The following AGO3 variants were observed in gnomAD, a reference collection of about 807,000 sequenced individuals.
AGO3 encodes the protein argonaute RISC catalytic component 3.
In AGO3, 16 loss-of-function variants were observed where a neutral mutation model predicts 105.5. The ratio of observed to expected loss-of-function variants is 0.15; its 90% CI spans 0.10 to 0.23. The LOEUF is 0.23. Among genes scored for constraint, AGO3 ranks in the 10% least tolerant of loss-of-function variants. The pLI, the probability that AGO3 is intolerant of heterozygous loss-of-function variation, is 1.00. For missense variants in AGO3, 534 were observed against 1,088.0 expected, an observed-to-expected ratio of 0.49 and a Z score of 7.16; for synonymous variants, 340 against 367.3, an observed-to-expected ratio of 0.93 and a Z score of 0.85.
At chr1:36,052,625 G>A (rs192238749) in intron 17 of AGO3, among the ~76,000 whole-genome samples, 2 of 152,124 alleles carry the variant, frequency 1.3e-5, no homozygotes, top group East Asian at 3.9e-4. Context: ...TTATATATGT[G>A]TATCAAAATA....
intron 6 of AGO3, chr1:36,005,961 A>G: frequency 1.1e-6 from 1 of 931,562 alleles, no homozygotes; most frequent in Non-Finnish European, 1.3e-6. Context: ...TATCTAGTCC[A>G]CTTTTTAAAA....
Position 35,931,194 on chromosome 1 carries a change from G to C in AGO3, c.-233G>C, listed in dbSNP as rs936517181. 1.2e-5 allele frequency: 5 copies of C among 402,134 alleles called. No homozygotes were observed. The highest frequency in any genetic ancestry group is 2.2e-5 in the Non-Finnish European group (5 of 227,478). The allele number at this position is 402,134 out of a possible 1,614,324, so 24.9% of individuals were successfully genotyped here. A position where few individuals can be genotyped will look rare whatever the true frequency, so the allele number is the denominator to read the frequency against. ...CAACTTCCGGACGGGACTCCCCTCT[G>C]TCCGCGCCTCACATCTCCCCTTCCT... On this transcript the variant is annotated 5_prime_UTR_variant, in exon 1 of 19. Transcript: ENST00000373191.
chr1:35,997,147 CAT>C (rs1363323626), intron 5 of AGO3, among the ~76,000 whole-genome samples: 1 of 151,848 alleles, frequency 6.6e-6, no homozygotes, highest in East Asian at 1.9e-4. Context: ...GGTGTGGTGA[CAT>C]GTGCCTGTAA....
At chr1:35,943,146 GGT>G (rs2148746826) in intron 1 of AGO3, among the ~76,000 whole-genome samples, 1 of 151,990 alleles carries the variant, frequency 6.6e-6, no homozygotes, top group South Asian at 2.1e-4. Context: ...GGTGGCTACA[GGT>G]GCACACAACC....
intron 5 of AGO3, among the ~76,000 whole-genome samples, chr1:35,975,688 C>T (rs1646943916): frequency 6.6e-6 from 1 of 152,104 alleles, no homozygotes; most frequent in Admixed American, 6.5e-5. Context: ...CAGGGTTTTC[C>T]AGACCATTCT....
chr1:36,011,451 T>C (rs1025731308), intron 9 of AGO3, among the ~76,000 whole-genome samples: 4 of 152,198 alleles, frequency 2.6e-5, no homozygotes, highest in African/African-American at 9.6e-5. Flanking sequence ...ATCTTGGATT[T>C]TTCTCTGATT....
intron 1 of AGO3, among the ~76,000 whole-genome samples, chr1:35,939,645 G>A (rs1439733225): frequency 6.6e-6 from 1 of 151,930 alleles, no homozygotes; most frequent in East Asian, 1.9e-4. Flanking sequence ...TGCTACTTTG[G>A]GCAGTGCATT....
intron 14 of AGO3, among the ~76,000 whole-genome samples, chr1:36,036,825 G>C (rs569150362): frequency 6.6e-6 from 1 of 152,174 alleles, no homozygotes; most frequent in East Asian, 1.9e-4. Context: ...CTCCCGAGTA[G>C]CTGGGATTAC....
At chr1:36,002,136 T>C (rs1056143367) in intron 5 of AGO3, among the ~76,000 whole-genome samples, 2 of 151,392 alleles carry the variant, frequency 1.3e-5, no homozygotes, top group Non-Finnish European at 2.9e-5. Context: ...TCTCTGGCCT[T>C]AGCCTTCTGA....
intron 10 of AGO3, 47 bp downstream of exon 10, chr1:36,013,799 G>GTTT (rs1640740801): frequency 1.2e-6 from 2 of 1,604,774 alleles, no homozygotes; most frequent in Non-Finnish European, 1.7e-6. Flanking sequence ...TTGTCTGTAA[G>GTTT]TATGAAGAGA....
chr1:36,064,053 A>C lies in AGO3; in HGVS notation c.*8308A>C, dbSNP rs1259439256. The C allele has an allele frequency of 6.6e-6, 1 of 152,104 alleles. No individual in the cohort carries two copies. Among genetic ancestry groups the C allele is most frequent in the East Asian group, 1.9e-4 (1 of 5,166 alleles). 9.4% of individuals were successfully genotyped at this position (152,104 alleles called of 1,614,324 possible). On this transcript the variant is annotated 3_prime_UTR_variant, in exon 19 of 19. Coordinates refer to ENST00000373191, the MANE Select transcript of AGO3 (RefSeq NM_024852.4). ...GAGCCACTGCATCTGGCCAAGATCAAGATTATGGATATTGGTATGTTAACT... is the reference window on the plus strand; with the variant it reads ...GAGCCACTGCATCTGGCCAAGATCACGATTATGGATATTGGTATGTTAACT...
Position 36,040,448 on chromosome 1 carries a change from T to A in AGO3, c.2172+7T>A. On this transcript the variant is annotated splice_region_variant and intron_variant, in intron 16 of 18. Transcript: ENST00000373191. ...TGCTGATAGGACAGAAAGGGTAATC[T>A]CACCTCTGTTGTAATACTGTTATAA... 2 of 1,613,938 alleles carry A rather than the reference T, an allele frequency of 1.2e-6. No homozygotes were observed. Among genetic ancestry groups the A allele is most frequent in the South Asian group, 1.1e-5 (1 of 91,060 alleles).
intron 1 of AGO3, 47 bp downstream of exon 1, chr1:35,931,492 G>A: frequency 7.0e-7 from 1 of 1,421,664 alleles, no homozygotes; most frequent in Non-Finnish European, 9.2e-7. Context: ...CCCAGCTACT[G>A]TCCTCTGAGC....
At chr1:35,941,009 T>C (rs1012418584) in intron 1 of AGO3, among the ~76,000 whole-genome samples, 1 of 152,178 alleles carries the variant, frequency 6.6e-6, no homozygotes, top group Non-Finnish European at 1.5e-5. Flanking sequence ...CCTGGACCTC[T>C]CCTCTGAACT....
chr1:35,985,715 G>T (rs573561915), intron 5 of AGO3, among the ~76,000 whole-genome samples: 2 of 152,282 alleles, frequency 1.3e-5, no homozygotes, highest in Non-Finnish European at 2.9e-5. Flanking sequence ...ATGAGAGAAT[G>T]TTCCTAACAC....
At position 36,055,859 on chromosome 1, in the gene AGO3, C is replaced by T; in HGVS notation, c.*114C>T. 3.1e-6 allele frequency: 3 copies of T among 953,280 alleles called. No individual in the cohort carries two copies. The highest frequency in any genetic ancestry group is 3.2e-6 in the Non-Finnish European group (2 of 626,858). 59.1% of individuals were successfully genotyped at this position (953,280 alleles called of 1,614,324 possible). A position where few individuals can be genotyped will look rare whatever the true frequency, so the allele number is the denominator to read the frequency against. ...ACCTCCAGCCATACAGAAACCAACA[C>T]TGTGTGGGGGCCAAGGTCTGATCCT... On this transcript the variant is annotated 3_prime_UTR_variant, in exon 19 of 19. Transcript: ENST00000373191. This position sits in a 1 kb window ranked among gnomAD's most constrained non-coding sequence, Gnocchi z 4.4.
chr1:36,013,770 T>G lies in AGO3; in HGVS notation c.1272+18T>G, dbSNP rs750631229. 5 of 1,611,970 alleles carry G rather than the reference T, an allele frequency of 3.1e-6. No individual in the cohort carries two copies. In the South Asian group the frequency reaches 3.3e-5, roughly 11 times the overall value. On this transcript the variant is annotated intron_variant, in intron 10 of 18. Coordinates refer to ENST00000373191, the MANE Select transcript of AGO3 (RefSeq NM_024852.4). Reference sequence around the variant, plus strand: ...GAGGACGGGTAAAGTCTCTTGTTAATGTTTTAATCATACACATATTGTCTG... The same window carrying G: ...GAGGACGGGTAAAGTCTCTTGTTAAGGTTTTAATCATACACATATTGTCTG...
chr1:36,018,963 C>T (rs1426757041), intron 11 of AGO3, among the ~76,000 whole-genome samples: 2 of 152,100 alleles, frequency 1.3e-5, no homozygotes, highest in East Asian at 1.9e-4. Context: ...ACCTTAAGTT[C>T]TCCCTCTGAT....
intron 5 of AGO3, among the ~76,000 whole-genome samples, chr1:36,003,363 C>T (rs1280897087): frequency 6.6e-6 from 1 of 152,056 alleles, no homozygotes; most frequent in Non-Finnish European, 1.5e-5. Context: ...TAAAAAACCA[C>T]CCACTGCTCA....
Sources: allele counts gnomAD v4.1 joint callset (sites outside exome capture counted in the v4.1 genomes callset), GRCh38; gene constraint gnomAD v4.1.1; non-coding constraint Gnocchi (gnomAD v3.1); transcripts MANE v1.5; gene names NCBI Gene and HGNC (gene_info 2026-07-23, HGNC 2026-07-21).